Variants in MACROD2 observed in about 807,000 individuals in gnomAD.
MACROD2 encodes the protein ADP-ribose glycohydrolase MACROD2.
MACROD2 carries 36 observed loss-of-function variants against 70.4 expected under a neutral mutation model. The ratio of observed to expected loss-of-function variants is 0.51; its 90% CI spans 0.39 to 0.68. The LOEUF (loss-of-function observed/expected upper bound fraction) is 0.68. Ranked by LOEUF, MACROD2 falls within the 30% of genes least tolerant of loss-of-function variation. The probability of loss-of-function intolerance (pLI) is 0.00; values close to 1 mark genes in which losing one functional copy is unlikely to be tolerated. For synonymous variants in MACROD2, 172 were observed against 178.8 expected (o/e 0.96, Z 0.30); for missense variants, 496 against 538.4 (o/e 0.92, Z 0.78).
At chr20:15,139,004 G>A (rs1283798479) in intron 5 of MACROD2, among the ~76,000 whole-genome samples, 3 of 152,088 alleles carry the variant, frequency 2.0e-5, no homozygotes, top group Non-Finnish European at 2.9e-5. Context: ...GAATTGTACC[G>A]TAAAAGCACC....
At chr20:15,690,774 A>G (rs768513740) in intron 8 of MACROD2, among the ~76,000 whole-genome samples, 4 of 152,214 alleles carry the variant, frequency 2.6e-5, no homozygotes, top group Non-Finnish European at 5.9e-5. Flanking sequence ...AAAATAGACC[A>G]TGATGACATG....
At chr20:15,387,472 A>C in intron 6 of MACROD2, among the ~76,000 whole-genome samples, 2 of 142,614 alleles carry the variant, frequency 1.4e-5, no homozygotes, top group Admixed American at 7.0e-5. Context: ...TTCCTCTTTC[A>C]CTGTCTCTCT....
chr20:15,634,536 A>G (rs1432984868), intron 8 of MACROD2, among the ~76,000 whole-genome samples: 1 of 152,254 alleles, frequency 6.6e-6, no homozygotes, highest in East Asian at 1.9e-4. Flanking sequence ...AGTGTCAAAC[A>G]AAGAAAATGT....
chr20:14,898,237 A>G (rs2073853512), intron 5 of MACROD2, among the ~76,000 whole-genome samples: 1 of 152,164 alleles, frequency 6.6e-6, no homozygotes, highest in Non-Finnish European at 1.5e-5. Context: ...TGAGATTTTT[A>G]TAATTAAACA....
At chr20:14,641,445 T>G (rs545421855) in intron 4 of MACROD2, among the ~76,000 whole-genome samples, 19 of 152,238 alleles carry the variant, frequency 1.2e-4, no homozygotes, top group Non-Finnish European at 2.6e-4. Flanking sequence ...TAATGATATT[T>G]AGAATGGTAA....
chr20:14,442,221 G>A (rs1412931513), intron 3 of MACROD2, among the ~76,000 whole-genome samples: 1 of 152,084 alleles, frequency 6.6e-6, no homozygotes, highest in East Asian at 1.9e-4. Context: ...AGTAAGCTGA[G>A]ATCCCACCAC....
chr20:14,085,647 G>T lies in MACROD2; in HGVS notation c.190G>T (p.Val64Leu). The T allele has an allele frequency of 6.3e-7, 1 of 1,579,004 alleles. No homozygotes were observed. Among genetic ancestry groups the T allele is most frequent in the African/African-American group, 1.4e-5 (1 of 74,034 alleles). Reference protein sequence around the residue: ...DEENTQETSQVKKSLTEKVSL... With the variant: ...DEENTQETSQLKKSLTEKVSL... ...AGAAAATACTCAGGAAACATCCCAG[G>T]TGAAGAAAAGTTTGACTGAAAAAGT... Residue 64 changes from valine (V) to leucine (L), a missense_variant, in exon 3 of 18, where the codon GTG becomes TTG. Physicochemically the swap from Val to Leu is conservative, Grantham distance 32. Coordinates refer to ENST00000684519, the MANE Select transcript of MACROD2 (RefSeq NM_001351661.2).
At chr20:15,596,081 T>C (rs908513660) in intron 8 of MACROD2, among the ~76,000 whole-genome samples, 1 of 152,228 alleles carries the variant, frequency 6.6e-6, no homozygotes, top group South Asian at 2.1e-4. Flanking sequence ...CCATGATACA[T>C]GTACCCAGAA....
chr20:14,423,109 G>A (rs1230177244), intron 3 of MACROD2, among the ~76,000 whole-genome samples: 1 of 152,170 alleles, frequency 6.6e-6, no homozygotes, highest in Non-Finnish European at 1.5e-5. Flanking sequence ...AATAAAGTCT[G>A]TTCTGCTGTG....
chr20:15,238,739 G>C (rs1235342017), intron 6 of MACROD2, among the ~76,000 whole-genome samples: 1 of 152,116 alleles, frequency 6.6e-6, no homozygotes, highest in Non-Finnish European at 1.5e-5. Flanking sequence ...CTACTAGCAA[G>C]ACCAAGAAAA....
intron 5 of MACROD2, among the ~76,000 whole-genome samples, chr20:14,880,480 C>T (rs772340852): frequency 9.2e-5 from 14 of 152,122 alleles, no homozygotes; most frequent in African/African-American, 1.2e-4. Flanking sequence ...CAAGAGCCCA[C>T]GTAATAAATC....
At position 15,987,079 on chromosome 20, in the gene MACROD2, C is replaced by G. The variant is rs748015755; in HGVS notation, c.1074C>G (p.Asn358Lys). The change falls in exon 15 of 18, where the codon AAC becomes AAG. Residue 358 changes from asparagine (N) to lysine (K), a missense_variant. Physicochemically the swap from Asn to Lys is moderately conservative, Grantham distance 94. Coordinates refer to ENST00000684519, the MANE Select transcript of MACROD2 (RefSeq NM_001351661.2). Reference protein sequence around the residue: ...SYMETEELSSNQEDAVIVEQP... With the variant: ...SYMETEELSSKQEDAVIVEQP... The stretch of plus-strand genomic sequence containing the variant: ...CATTCTATTTAGAACTTTCATCAAA[C>G]CAAGAAGATGCCGTGATTGTGGAGC... 81 of 1,609,124 alleles carry G rather than the reference C, an allele frequency of 5.0e-5. No individual in the cohort carries two copies. The highest frequency in any genetic ancestry group is 6.6e-5 in the Non-Finnish European group (78 of 1,179,002).
At chr20:14,525,043 C>T (rs1007936759) in intron 4 of MACROD2, among the ~76,000 whole-genome samples, 7 of 152,148 alleles carry the variant, frequency 4.6e-5, no homozygotes, top group Admixed American at 6.5e-5. Context: ...GGTCTTGACA[C>T]ATCAATTTAG....
intron 12 of MACROD2, among the ~76,000 whole-genome samples, chr20:15,941,051 G>A (rs1226868186): frequency 1.3e-5 from 2 of 152,164 alleles, no homozygotes; most frequent in African/African-American, 4.8e-5. Context: ...CACACTGTTT[G>A]TGATGTTTCT....
rs569663446 is a variant in MACROD2 at position 14,037,752 on chromosome 20, A to G, written c.163+35348A>G. Among the ~76,000 whole-genome samples the G allele has an allele frequency of 2.6e-5, 4 of 152,224 alleles. No individual in the cohort carries two copies. In the East Asian group the frequency reaches 7.7e-4, roughly 29 times the overall value. On this transcript the variant is annotated intron_variant, in intron 2 of 17. Coordinates refer to ENST00000684519, the MANE Select transcript of MACROD2 (RefSeq NM_001351661.2). Reference sequence around the variant, plus strand: ...TGTTCCTTGCTGGGTGCAGTGGCTCATGCCTGTTACTCCAGCACCTTGGGA... The same window carrying G: ...TGTTCCTTGCTGGGTGCAGTGGCTCGTGCCTGTTACTCCAGCACCTTGGGA...
intron 10 of MACROD2, among the ~76,000 whole-genome samples, chr20:15,923,238 A>G (rs889455116): frequency 6.6e-6 from 1 of 152,246 alleles, no homozygotes; most frequent in East Asian, 1.9e-4. Flanking sequence ...TTACAGTTTC[A>G]CATGGCTGGG....
chr20:14,713,700 C>G (rs1310927080), intron 5 of MACROD2, among the ~76,000 whole-genome samples: 3 of 152,168 alleles, frequency 2.0e-5, no homozygotes, highest in Non-Finnish European at 4.4e-5. Context: ...CAATAGGGCA[C>G]TTGCCACCAG....
At chr20:15,373,317 A>G (rs184564812) in intron 6 of MACROD2, among the ~76,000 whole-genome samples, 2 of 152,150 alleles carry the variant, frequency 1.3e-5, no homozygotes, top group Non-Finnish European at 1.5e-5. Flanking sequence ...AAAACCCCAT[A>G]TATCTTATTT....
chr20:14,974,773 G>T (rs1265743384), intron 5 of MACROD2, among the ~76,000 whole-genome samples: 1 of 152,084 alleles, frequency 6.6e-6, no homozygotes, highest in East Asian at 1.9e-4. Flanking sequence ...AGAGAGTCCT[G>T]TTGACGTAGT....
Sources: gnomAD v4.1 joint callset for allele counts (sites outside exome capture counted in the v4.1 genomes callset) on GRCh38, gnomAD v4.1.1 for gene constraint, MANE v1.5 for transcripts, NCBI Gene and HGNC (gene_info 2026-07-23, HGNC 2026-07-21) for gene names.